The following SOX5 variants were observed in gnomAD, a reference collection of about 807,000 sequenced individuals.
SOX5 encodes transcription factor SOX-5.
A neutral mutation model predicts 92.0 loss-of-function variants in SOX5; 9 were observed. The ratio of observed to expected loss-of-function variants is 0.10; its 90% confidence interval spans 0.06 to 0.17. The LOEUF (loss-of-function observed/expected upper bound fraction) is 0.17, where lower values mean the gene tolerates loss of function less well. Ranked by LOEUF, SOX5 falls within the 10% of genes least tolerant of loss-of-function variation. SOX5 has a pLI of 1.00. For synonymous variants in SOX5, 344 were observed against 336.3 expected (o/e 1.02, Z -0.25); for missense variants, 642 against 944.5 (o/e 0.68, Z 4.20).
intron 6 of SOX5, among the ~76,000 whole-genome samples, chr12:23,694,495 T>C (rs1016424646): frequency 2.6e-5 from 4 of 152,158 alleles, no homozygotes; most frequent in Non-Finnish European, 5.9e-5. Context: ...GAATTCTCTC[T>C]TTACCTGTGT....
intron 4 of SOX5, among the ~76,000 whole-genome samples, chr12:23,986,136 G>A (rs1038310710): frequency 6.6e-6 from 1 of 152,098 alleles, no homozygotes. Flanking sequence ...ATTTAAGGTT[G>A]CAGGGATTAC....
At chr12:23,702,167 T>C (rs2090741204) in intron 6 of SOX5, among the ~76,000 whole-genome samples, 1 of 152,066 alleles carries the variant, frequency 6.6e-6, no homozygotes, top group Non-Finnish European at 1.5e-5. Flanking sequence ...TAAATACCTA[T>C]ATGTCTCAAG....
At chr12:24,076,189 T>C (rs376975012) in intron 4 of SOX5, among the ~76,000 whole-genome samples, 15 of 152,122 alleles carry the variant, frequency 9.9e-5, no homozygotes, top group African/African-American at 3.6e-4. Context: ...TCTAAACATA[T>C]AGTTTGATAT....
chr12:24,406,805 A>T lies in SOX5; in HGVS notation c.-250-38166T>A, dbSNP rs1317177179. ...CCTAAATTTCACCCGAAGCAAGGGA[A>T]TACCTGCCACCCTTCTCCAATGCAT... On this transcript the variant is annotated intron_variant, in intron 1 of 4. Transcript: ENST00000446891. 2.6e-5 allele frequency among the ~76,000 whole-genome samples: 4 copies of T among 152,212 alleles called. No individual in the cohort carries two copies. The South Asian group carries it at 6.2e-4, about 24-fold the overall frequency.
chr12:24,053,199 T>A (rs866801198), intron 4 of SOX5, among the ~76,000 whole-genome samples: 1 of 151,542 alleles, frequency 6.6e-6, no homozygotes, highest in African/African-American at 2.4e-5. Context: ...TTTTTTTTTT[T>A]GAGATGGAGT....
At chr12:24,007,026 G>A (rs1010714458) in intron 4 of SOX5, among the ~76,000 whole-genome samples, 4 of 150,056 alleles carry the variant, frequency 2.7e-5, no homozygotes, top group Non-Finnish European at 5.9e-5. Flanking sequence ...CCAGCTACTC[G>A]GGAGGCTGAG....
chr12:24,045,925 T>A (rs1376112674), intron 4 of SOX5, among the ~76,000 whole-genome samples: 1 of 152,174 alleles, frequency 6.6e-6, no homozygotes. Flanking sequence ...CTCCTGTCAC[T>A]CTGGCTGTTT....
intron 6 of SOX5, among the ~76,000 whole-genome samples, chr12:23,717,119 T>C (rs1244898790): frequency 6.6e-6 from 1 of 152,190 alleles, no homozygotes; most frequent in Non-Finnish European, 1.5e-5. Context: ...TCATTGACTT[T>C]CTCCCACAGG....
intron 4 of SOX5, among the ~76,000 whole-genome samples, chr12:23,978,891 T>A (rs1451980685): frequency 6.6e-6 from 1 of 152,184 alleles, no homozygotes; most frequent in East Asian, 1.9e-4. Context: ...TCTTGCACTA[T>A]CTATCATATC....
At chr12:23,867,776 C>G (rs532123224) in intron 2 of SOX5, among the ~76,000 whole-genome samples, 9 of 151,120 alleles carry the variant, frequency 6.0e-5, no homozygotes, top group Non-Finnish European at 1.3e-4. Flanking sequence ...CTTTGAAAAG[C>G]GATCTGTAAA....
At chr12:23,945,932 T>C (rs1944519986) in intron 1 of SOX5, among the ~76,000 whole-genome samples, 1 of 152,132 alleles carries the variant, frequency 6.6e-6, no homozygotes, top group South Asian at 2.1e-4. Context: ...AAAATACCAC[T>C]AATGTCAGAG....
intron 4 of SOX5, among the ~76,000 whole-genome samples, chr12:24,171,359 G>C (rs1954133996): frequency 6.6e-6 from 1 of 151,462 alleles, no homozygotes; most frequent in Admixed American, 6.6e-5. Flanking sequence ...GGGTAGCTGG[G>C]ACTACAGGCA....
intron 1 of SOX5, among the ~76,000 whole-genome samples, chr12:24,520,862 G>A (rs1950205833): frequency 1.3e-5 from 2 of 152,148 alleles, no homozygotes; most frequent in Admixed American, 1.3e-4. Context: ...AGACAAAAAA[G>A]ATTTAAATCT....
intron 4 of SOX5, among the ~76,000 whole-genome samples, chr12:24,176,108 A>T (rs931317054): frequency 6.6e-6 from 1 of 152,164 alleles, no homozygotes; most frequent in Non-Finnish European, 1.5e-5. Flanking sequence ...AGGTGAACAG[A>T]TTACTTGAGT....
At chr12:24,172,262 C>T (rs745694541) in intron 4 of SOX5, among the ~76,000 whole-genome samples, 2 of 151,874 alleles carry the variant, frequency 1.3e-5, no homozygotes, top group Non-Finnish European at 2.9e-5. Flanking sequence ...TTGGGCCGGG[C>T]GCAGTGAGTC....
At chr12:23,778,721 T>A (rs2141697242) in intron 3 of SOX5, among the ~76,000 whole-genome samples, 1 of 152,294 alleles carries the variant, frequency 6.6e-6, no homozygotes, top group Middle Eastern at 3.4e-3. Context: ...AATGATCTTG[T>A]GTTGCAGGCC....
chr12:24,319,088 T>A (rs761147201), intron 2 of SOX5, among the ~76,000 whole-genome samples: 24 of 152,194 alleles, frequency 1.6e-4, no homozygotes, highest in Non-Finnish European at 3.1e-4. Context: ...GAGGAAGAGG[T>A]GCTCTTCTTC....
At chr12:24,340,686 C>A (rs1245618666) in intron 2 of SOX5, among the ~76,000 whole-genome samples, 2 of 152,198 alleles carry the variant, frequency 1.3e-5, no homozygotes, top group African/African-American at 2.4e-5. Flanking sequence ...TTTAGCCCTT[C>A]TCTTTTGAGG....
chr12:23,711,395 C>T (rs1249118316), intron 6 of SOX5, among the ~76,000 whole-genome samples: 1 of 151,806 alleles, frequency 6.6e-6, no homozygotes. Flanking sequence ...CTATAAAATA[C>T]AGGCAAAGCA....
Sources: allele counts gnomAD v4.1 joint callset (sites outside exome capture counted in the v4.1 genomes callset), GRCh38; gene constraint gnomAD v4.1.1; transcripts MANE v1.5; gene names NCBI Gene and HGNC (gene_info 2026-07-23, HGNC 2026-07-21).